USP38: variants seen among roughly 807,000 people sequenced by gnomAD.
The protein encoded by USP38 is ubiquitin specific peptidase 38.
USP38 carries 49 observed loss-of-function variants against 94.3 expected under a neutral mutation model. The ratio of observed to expected loss-of-function variants is 0.52; its 90% CI spans 0.41 to 0.66. The LOEUF (loss-of-function observed/expected upper bound fraction) is 0.66, where lower values mean the gene tolerates loss of function less well. Among genes scored for constraint, USP38 ranks in the 30% least tolerant of loss-of-function variants. USP38 has a pLI of 0.00. For missense variants in USP38, 1,128 were observed against 1,229.4 expected, an observed-to-expected ratio of 0.92 and a Z score of 1.23; for synonymous variants, 468 against 463.6, an observed-to-expected ratio of 1.01 and a Z score of -0.12.
chr4:143,187,398 A>G (rs1290576089), intron 1 of USP38, among the ~76,000 whole-genome samples: 2 of 152,070 alleles, frequency 1.3e-5, no homozygotes, highest in East Asian at 1.9e-4. Context: ...TTTTTTCAAA[A>G]TCTTCCTTAG....
Position 143,221,647 on chromosome 4 carries a change from C to T in USP38, c.*1191C>T, listed in dbSNP as rs1732325922. 6.6e-6 allele frequency: 1 copy of T among 152,138 alleles called. No homozygotes were observed. The highest frequency in any genetic ancestry group is 1.5e-5 in the Non-Finnish European group (1 of 67,990). 9.4% of individuals were successfully genotyped at this position (152,138 alleles called of 1,614,324 possible). A position where few individuals can be genotyped will look rare whatever the true frequency, so the allele number is the denominator to read the frequency against. On this transcript the variant is annotated 3_prime_UTR_variant, in exon 10 of 10. Coordinates refer to ENST00000307017, the MANE Select transcript of USP38 (RefSeq NM_032557.6). Reference sequence around the variant, plus strand: ...AGGAAACTGGAAACATGTCAGTTCTCCTGGTTCTTGATTATACAGTACTCA... The same window carrying T: ...AGGAAACTGGAAACATGTCAGTTCTTCTGGTTCTTGATTATACAGTACTCA...
chr4:143,185,730 C>T lies in USP38; in HGVS notation c.280C>T (p.His94Tyr), dbSNP rs1731200473. The T allele has an allele frequency of 6.2e-7, 1 of 1,614,178 alleles. No individual in the cohort carries two copies. The highest frequency in any genetic ancestry group is 8.5e-7 in the Non-Finnish European group (1 of 1,180,036). Residue 94 changes from histidine (H) to tyrosine (Y), a missense_variant, in exon 1 of 10, where the codon CAC becomes TAC. His to Tyr is a moderately conservative substitution (Grantham distance 83, BLOSUM62 2). Coordinates refer to ENST00000307017, the MANE Select transcript of USP38 (RefSeq NM_032557.6). Reference protein sequence around the residue: ...FVLGLLHQGYHSLDRKDVAIL... With the variant: ...FVLGLLHQGYYSLDRKDVAIL... ...GTTGGGCCTCCTTCATCAGGGCTAC[C>T]ACTCTCTGGACAGGAAGGATGTAGC...
intron 2 of USP38, among the ~76,000 whole-genome samples, chr4:143,188,331 C>G (rs1474475871): frequency 1.3e-5 from 2 of 151,902 alleles, no homozygotes; most frequent in African/African-American, 4.8e-5. Flanking sequence ...TTTACTTTCT[C>G]TTTCAACCAG....
Position 143,185,714 on chromosome 4 carries a change from C to T in USP38, c.264C>T (p.Leu88=), listed in dbSNP as rs1032089906. ...TCAACAAGACCTTCGTGTTGGGCCT[C>T]CTTCATCAGGGCTACCACTCTCTGG... ...SFFNKTFVLG[L]LHQGYHSLDR... is the part of the protein sequence containing the mutation. The change falls in exon 1 of 10, where the codon CTC becomes CTT. Residue 88 remains leucine (L), a synonymous_variant. Coordinates refer to ENST00000307017, the MANE Select transcript of USP38 (RefSeq NM_032557.6). 2 of 1,614,178 alleles carry T rather than the reference C, an allele frequency of 1.2e-6. No individual in the cohort carries two copies. The highest frequency in any genetic ancestry group is 1.7e-6 in the Non-Finnish European group (2 of 1,180,034).
At position 143,222,325 on chromosome 4, in the gene USP38, A is replaced by G. The variant is rs1271248187; in HGVS notation, c.*1869A>G. 6.6e-6 allele frequency: 1 copy of G among 151,962 alleles called. No homozygotes were observed. Among genetic ancestry groups the G allele is most frequent in the Non-Finnish European group, 1.5e-5 (1 of 67,910 alleles). 9.4% of individuals were successfully genotyped at this position (151,962 alleles called of 1,614,324 possible). ...GGTATCTGCAGTGGATTGGTTCCAG[A>G]ACACCATCCCCCAATATTAAAATCC... On this transcript the variant is annotated 3_prime_UTR_variant, in exon 10 of 10. Transcript: ENST00000307017.
chr4:143,190,005 A>C (rs1333856376), intron 2 of USP38, among the ~76,000 whole-genome samples: 1 of 151,862 alleles, frequency 6.6e-6, no homozygotes, highest in Middle Eastern at 3.2e-3. Flanking sequence ...CTTTATGTGA[A>C]GTTCTCATTG....
chr4:143,213,124 C>T (rs4234887), intron 8 of USP38, among the ~76,000 whole-genome samples: 81,338 of 151,856 alleles, frequency 0.54, 22,853 homozygotes, highest in East Asian at 0.82. Flanking sequence ...CGCCTGACCA[C>T]TTAATTAATA....
intron 6 of USP38, 90 bp downstream of exon 6, chr4:143,206,316 T>G (rs1411168741): frequency 9.1e-7 from 1 of 1,104,378 alleles, no homozygotes; most frequent in Non-Finnish European, 1.2e-6. Flanking sequence ...TACACATTAT[T>G]CCTTATAAAT....
chr4:143,193,110 C>T (rs1473168154), intron 2 of USP38, among the ~76,000 whole-genome samples: 1 of 152,154 alleles, frequency 6.6e-6, no homozygotes, highest in African/African-American at 2.4e-5. Context: ...AAGATGTGCT[C>T]ACACATACCC....
intron 8 of USP38, 107 bp downstream of exon 8, chr4:143,212,531 T>C (rs1054653122): frequency 5.3e-6 from 3 of 564,658 alleles, no homozygotes; most frequent in African/African-American, 2.0e-5. Flanking sequence ...TATTACTCTT[T>C]AAAATACTAT....
chr4:143,197,496 A>C (rs1731587893), intron 3 of USP38, among the ~76,000 whole-genome samples: 1 of 152,206 alleles, frequency 6.6e-6, no homozygotes, highest in Non-Finnish European at 1.5e-5. Flanking sequence ...AACTAGGACA[A>C]GTAATAGTAT....
rs142374928 is a variant in USP38, at chr4:143,201,031, A to T, written c.1051-2377A>T. Among the ~76,000 whole-genome samples, 840 of 152,348 alleles carry T rather than the reference A, an allele frequency of 5.5e-3. 7 individuals carry two copies. Among genetic ancestry groups the T allele is most frequent in the African/African-American group, 0.018 (731 of 41,582 alleles). On this transcript the variant is annotated intron_variant, in intron 4 of 9. Transcript: ENST00000307017. ...CACAGAACTAAAAAAACACTATTTTAAAATTTGTGTGGAACCAAAGAAGAA... is the reference window on the plus strand; with the variant it reads ...CACAGAACTAAAAAAACACTATTTTTAAATTTGTGTGGAACCAAAGAAGAA...
chr4:143,206,134 TG>T lies in USP38; in HGVS notation c.1313del (p.Gly438GlufsTer13), dbSNP rs1168059251. The T allele has an allele frequency of 6.2e-7, 1 of 1,613,866 alleles. No individual in the cohort carries two copies. Among genetic ancestry groups the T allele is most frequent in the Non-Finnish European group, 8.5e-7 (1 of 1,179,900 alleles). ...SLASCLSRLSGKSETGKTGLI... is the reference protein window; with the variant it reads ...SLASCLSRLSXKSETGKTGLI... ...TGGCGTCTTGCTTGTCTAGACTTTC[TG>T]GAAAATCTGAAACTGGGAAAACTGG... On this transcript the variant is annotated frameshift_variant, in exon 6 of 10. Coordinates refer to ENST00000307017, the MANE Select transcript of USP38 (RefSeq NM_032557.6). LOFTEE classifies it high-confidence loss of function.
At position 143,221,357 on chromosome 4, in the gene USP38, G is replaced by T. The variant is rs1220353728; in HGVS notation, c.*901G>T. ...GATTTTCCAGAAGTAAAATCTGATGGTTCTAAATCAATCAATGTGATAGTT... is the reference window on the plus strand; with the variant it reads ...GATTTTCCAGAAGTAAAATCTGATGTTTCTAAATCAATCAATGTGATAGTT... On this transcript the variant is annotated 3_prime_UTR_variant, in exon 10 of 10. Transcript: ENST00000307017. The T allele has an allele frequency of 6.6e-6, 1 of 152,408 alleles. No homozygotes were observed. The highest frequency in any genetic ancestry group is 6.6e-5 in the Admixed American group (1 of 15,252). The allele number at this position is 152,408 out of a possible 1,614,324, so 9.4% of individuals were successfully genotyped here.
chr4:143,211,152 G>C (rs1161091369), intron 7 of USP38, among the ~76,000 whole-genome samples: 1 of 152,040 alleles, frequency 6.6e-6, no homozygotes, highest in Middle Eastern at 3.4e-3. Context: ...AAAAATCTTA[G>C]GGGAGGTTTC....
At chr4:143,199,355 T>G (rs980924730) in intron 4 of USP38, among the ~76,000 whole-genome samples, 7 of 152,220 alleles carry the variant, frequency 4.6e-5, no homozygotes, top group African/African-American at 1.7e-4. Flanking sequence ...ATGGTGTATA[T>G]GTACCACATT....
At chr4:143,200,459 T>C (rs1440105516) in intron 4 of USP38, among the ~76,000 whole-genome samples, 1 of 152,118 alleles carries the variant, frequency 6.6e-6, no homozygotes. Context: ...AGCATTCCCC[T>C]TGAAAACCAG....
intron 9 of USP38, among the ~76,000 whole-genome samples, chr4:143,215,946 AC>A (rs1375866590): frequency 6.6e-6 from 1 of 152,166 alleles, no homozygotes; most frequent in African/African-American, 2.4e-5. Flanking sequence ...GAAGACTCTA[AC>A]ATCTAGTCAG....
intron 9 of USP38, chr4:143,215,305 C>T (rs1470489905): frequency 4.9e-6 from 1 of 203,474 alleles, no homozygotes; most frequent in Non-Finnish European, 9.9e-6. Context: ...TTTATGCCCT[C>T]AAGACTTTTG....
Sources: allele counts gnomAD v4.1 joint callset (sites outside exome capture counted in the v4.1 genomes callset), GRCh38; gene constraint gnomAD v4.1.1; transcripts MANE v1.5; gene names NCBI Gene and HGNC (gene_info 2026-07-23, HGNC 2026-07-21).